The following IL1RAPL1 variants were observed in gnomAD, a reference collection of about 807,000 sequenced individuals.
The protein encoded by IL1RAPL1 is interleukin-1 receptor accessory protein-like 1.
IL1RAPL1 carries 3 observed loss-of-function variants against 48.4 expected under a neutral mutation model. The ratio of observed to expected loss-of-function variants is 0.06; its 90% CI spans 0.03 to 0.16. The LOEUF (loss-of-function observed/expected upper bound fraction) is 0.16. Among genes scored for constraint, IL1RAPL1 ranks in the 10% least tolerant of loss-of-function variants. The pLI is 1.00. For missense variants in IL1RAPL1, 349 were observed against 530.6 expected (o/e 0.66, Z 3.36); for synonymous variants, 185 against 187.7 (o/e 0.99, Z 0.12).
chrX:28,814,221 G>A (rs1488702664), intron 2 of IL1RAPL1, among the ~76,000 whole-genome samples: 1 of 110,385 alleles, frequency 9.1e-6, no homozygotes, highest in African/African-American at 3.3e-5. Flanking sequence ...GTTGTAGGAG[G>A]AAAGGAGCAG....
At chrX:28,700,169 T>A (rs1293836547) in intron 1 of IL1RAPL1, among the ~76,000 whole-genome samples, 2 of 111,373 alleles carry the variant, frequency 1.8e-5, no homozygotes, top group Admixed American at 1.9e-4. Flanking sequence ...ATGAAGAGTA[T>A]GGGAGGACTT....
At chrX:28,684,518 A>G (rs1256703973) in intron 1 of IL1RAPL1, among the ~76,000 whole-genome samples, 2 of 112,282 alleles carry the variant, frequency 1.8e-5, no homozygotes, top group Non-Finnish European at 3.8e-5. Context: ...TATGTTGTAA[A>G]ATATGTTCTA....
chrX:29,605,941 C>T (rs1003150931), intron 5 of IL1RAPL1, among the ~76,000 whole-genome samples: 6 of 111,879 alleles, frequency 5.4e-5, no homozygotes, highest in African/African-American at 1.9e-4. Context: ...ATTTCGAAGA[C>T]AAATGATATA....
At chrX:29,147,498 T>A (rs1326618087) in intron 2 of IL1RAPL1, among the ~76,000 whole-genome samples, 1 of 111,743 alleles carries the variant, frequency 8.9e-6, no homozygotes, top group Non-Finnish European at 1.9e-5. Flanking sequence ...GGTTAGGGTA[T>A]GTGGGTTTGT....
chrX:29,935,513 C>A (rs1933018494), intron 8 of IL1RAPL1, among the ~76,000 whole-genome samples: 1 of 111,410 alleles, frequency 9.0e-6, no homozygotes, highest in African/African-American at 3.3e-5. Flanking sequence ...TGCCATTATT[C>A]ATTTTAACTC....
intron 2 of IL1RAPL1, among the ~76,000 whole-genome samples, chrX:28,832,820 CA>C (rs1921099425): frequency 1.5e-5 from 1 of 68,804 alleles, no homozygotes. Flanking sequence ...TTATTTTTTT[CA>C]ATTTTTTTTT....
intron 6 of IL1RAPL1, among the ~76,000 whole-genome samples, chrX:29,903,183 TGAGAGAGA>T (rs1193474559): frequency 1.9e-4 from 18 of 93,026 alleles, no homozygotes; most frequent in South Asian, 1.7e-3. Context: ...TGTGTGTGTG[TGAGAGAGA>T]GAGAGAGAGA....
At chrX:28,963,437 C>T (rs1326208426) in intron 2 of IL1RAPL1, among the ~76,000 whole-genome samples, 1 of 110,715 alleles carries the variant, frequency 9.0e-6, no homozygotes, top group East Asian at 2.8e-4. Context: ...ATGTTTTACT[C>T]TTACAATATA....
intron 2 of IL1RAPL1, among the ~76,000 whole-genome samples, chrX:29,260,434 C>T (rs979883108): frequency 8.9e-6 from 1 of 112,016 alleles, no homozygotes; most frequent in Admixed American, 9.5e-5. Context: ...TCTTACATGG[C>T]AGCACACAAA....
At chrX:29,347,031 A>G (rs1272825284) in intron 3 of IL1RAPL1, among the ~76,000 whole-genome samples, 1 of 111,534 alleles carries the variant, frequency 9.0e-6, no homozygotes, top group Non-Finnish European at 1.9e-5. Context: ...TTGAAGTATA[A>G]TAGGGTGAAT....
At chrX:28,728,715 G>A (rs1368827420) in intron 1 of IL1RAPL1, among the ~76,000 whole-genome samples, 1 of 111,323 alleles carries the variant, frequency 9.0e-6, no homozygotes, top group South Asian at 3.7e-4. Flanking sequence ...GGTAATAATA[G>A]ACATTTATTG....
At chrX:29,212,453 C>A (rs1245797686) in intron 2 of IL1RAPL1, among the ~76,000 whole-genome samples, 1 of 111,238 alleles carries the variant, frequency 9.0e-6, no homozygotes, top group African/African-American at 3.3e-5. Flanking sequence ...GAATTACAGG[C>A]GCCCACCACC....
chrX:29,489,774 G>A (rs1274721343), intron 5 of IL1RAPL1, among the ~76,000 whole-genome samples: 1 of 111,594 alleles, frequency 9.0e-6, no homozygotes, highest in Non-Finnish European at 1.9e-5. Context: ...ACTAATGGTC[G>A]TGCAGATAGT....
At chrX:29,632,155 T>G (rs1602336356) in intron 5 of IL1RAPL1, among the ~76,000 whole-genome samples, 1 of 109,483 alleles carries the variant, frequency 9.1e-6, no homozygotes, top group East Asian at 2.9e-4. Flanking sequence ...GTTGTAACTT[T>G]TTTTTTTTTT....
intron 2 of IL1RAPL1, among the ~76,000 whole-genome samples, chrX:29,034,091 A>G (rs935067286): frequency 8.9e-6 from 1 of 112,371 alleles, no homozygotes; most frequent in Non-Finnish European, 1.9e-5. Flanking sequence ...ACAAAAGTGA[A>G]CACACATGTC....
chrX:29,194,186 C>T (rs1299773972), intron 2 of IL1RAPL1, among the ~76,000 whole-genome samples: 2 of 111,872 alleles, frequency 1.8e-5, no homozygotes, highest in Non-Finnish European at 3.8e-5. Context: ...GAAACATTAC[C>T]ATATATAAAT....
chrX:29,809,432 A>G (rs1046770479), intron 6 of IL1RAPL1, among the ~76,000 whole-genome samples: 5 of 110,857 alleles, frequency 4.5e-5, no homozygotes, highest in Non-Finnish European at 9.4e-5. Context: ...CTTGATCTCT[A>G]TTCTTTTCAT....
At chrX:29,280,599 T>C (rs1393028794) in intron 2 of IL1RAPL1, among the ~76,000 whole-genome samples, 2 of 112,264 alleles carry the variant, frequency 1.8e-5, no homozygotes, top group Non-Finnish European at 3.8e-5. Context: ...ATTCATGCAT[T>C]CATTCATTTA....
At chrX:28,939,995 TTGTC>T (rs1405029890) in intron 2 of IL1RAPL1, among the ~76,000 whole-genome samples, 1 of 111,774 alleles carries the variant, frequency 8.9e-6, no homozygotes. Context: ...CATTTTTACT[TTGTC>T]TTTCACTTCA....
Sources: allele counts gnomAD v4.1 joint callset (sites outside exome capture counted in the v4.1 genomes callset), GRCh38; gene constraint gnomAD v4.1.1; transcripts MANE v1.5; gene names NCBI Gene and HGNC (gene_info 2026-07-23, HGNC 2026-07-21).